ZNF496: variants seen among roughly 807,000 people sequenced by gnomAD.
The protein encoded by ZNF496 is zinc finger protein 496.
Under a neutral mutation model 58.9 loss-of-function variants are expected in ZNF496, and 11 were observed. That is an observed-to-expected ratio of 0.19 (90% confidence interval 0.12 to 0.31). The LOEUF is 0.31. Among genes scored for constraint, ZNF496 ranks in the 10% least tolerant of loss-of-function variants. The pLI is 1.00. For synonymous variants in ZNF496, 338 were observed against 318.2 expected, an observed-to-expected ratio of 1.06 and a Z score of -0.66; for missense variants, 660 against 783.0, an observed-to-expected ratio of 0.84 and a Z score of 1.88.
intron 2 of ZNF496, among the ~76,000 whole-genome samples, chr1:247,331,164 A>ACGGC (rs1367354934): frequency 2.0e-5 from 3 of 152,032 alleles, no homozygotes; most frequent in Non-Finnish European, 4.4e-5. Flanking sequence ...CTCCAACCAG[A>ACGGC]CGGCCGCGTC....
In ZNF496 at chr1:247,328,729, G is replaced by A. The variant is rs1338277205; in HGVS notation, c.528C>T (p.Cys176=). Residue 176 remains cysteine, a synonymous_variant, in exon 5 of 10, where the codon TGC becomes TGT. Coordinates refer to ENST00000682384, the MANE Select transcript of ZNF496 (RefSeq NM_032752.3). ...TTGGTGGTCTGCTTGGGAGCCCCAG[G>A]CACTGTGCCAGGGTTATGGGCTGGG... ...QDAQPITLAQ[C]LGLPSRPPSQ... 2 of 1,611,090 alleles carry A rather than the reference G, an allele frequency of 1.2e-6. No homozygotes were observed. The highest frequency in any genetic ancestry group is 1.3e-5 in the African/African-American group (1 of 74,916).
rs1286132034 is a variant in ZNF496, at chr1:247,328,810, C to T, written c.447G>A (p.Gln149=). 2 of 1,613,348 alleles carry T rather than the reference C, an allele frequency of 1.2e-6. No individual in the cohort carries two copies. The highest frequency in any genetic ancestry group is 3.3e-5 in the Admixed American group (2 of 59,904). The change falls in exon 5 of 10, where the codon CAG becomes CAA. Residue 149 remains glutamine (Q), a synonymous_variant. Transcript: ENST00000682384. ...GCTCTACCGGCAGCTGCTCCTGCTCCTGGTCCAGAGGGCTGTCCCCATCAT... is the reference window on the plus strand; with the variant it reads ...GCTCTACCGGCAGCTGCTCCTGCTCTTGGTCCAGAGGGCTGTCCCCATCAT... ...VIDDGDSPLD[Q]EQEQLPVEPH... is the part of the protein sequence containing the mutation.
At chr1:247,321,367 G>C (rs1313883675) in intron 6 of ZNF496, among the ~76,000 whole-genome samples, 1 of 152,146 alleles carries the variant, frequency 6.6e-6, no homozygotes, top group South Asian at 2.1e-4. Context: ...CTAAGGGAAA[G>C]GGTAAATGAG....
rs1181470408 is a variant in ZNF496, at chr1:247,308,429, C to T, written c.1006+46G>A. 6 of 1,558,526 alleles carry T rather than the reference C, an allele frequency of 3.8e-6. No homozygotes were observed. Among genetic ancestry groups the T allele is most frequent in the Admixed American group, 3.4e-5 (2 of 59,690 alleles). On this transcript the variant is annotated intron_variant, in intron 9 of 9. Coordinates refer to ENST00000682384, the MANE Select transcript of ZNF496 (RefSeq NM_032752.3). This position sits in a 1 kb window ranked among gnomAD's most constrained non-coding sequence, Gnocchi z 4.5. ...GCATACATACATTCATGCGACACAC[C>T]ACAGACACACAGGGACAAACCCATA...
chr1:247,307,336 A>G lies in ZNF496; in HGVS notation c.1006+1139T>C, dbSNP rs902924070. The G allele has an allele frequency of 1.6e-5, 16 of 985,318 alleles. No homozygotes were observed. In the African/African-American group the frequency reaches 2.6e-4, roughly 16 times the overall value. The allele number at this position is 985,318 out of a possible 1,614,324, so 61.0% of individuals were successfully genotyped here. A position where few individuals can be genotyped will look rare whatever the true frequency, so the allele number is the denominator to read the frequency against. On this transcript the variant is annotated intron_variant, in intron 9 of 9. Coordinates refer to ENST00000682384, the MANE Select transcript of ZNF496 (RefSeq NM_032752.3). ...CCTTGGCTTCTGGCTGTTTCAGAGC[A>G]GTCTGTGTCAGAGTCCAGCAAGGGA... is the stretch of plus-strand genomic sequence containing the variant.
Position 247,299,727 on chromosome 1 carries a change from G to A in ZNF496, c.*792C>T, listed in dbSNP as rs554609684. The A allele has an allele frequency of 6.6e-6, 1 of 152,346 alleles. No individual in the cohort carries two copies. Among genetic ancestry groups the A allele is most frequent in the East Asian group, 1.9e-4 (1 of 5,174 alleles). The allele number at this position is 152,346 out of a possible 1,614,324, so 9.4% of individuals were successfully genotyped here. A position where few individuals can be genotyped will look rare whatever the true frequency, so the allele number is the denominator to read the frequency against. On this transcript the variant is annotated 3_prime_UTR_variant, in exon 10 of 10. Transcript: ENST00000682384. ...CACAAGCATTTACCAAGGATCTTTG[G>A]GGTATAAAGACATTATGGGGTAGGT...
At chr1:247,311,430 G>GACACACAC (rs71820609) in intron 6 of ZNF496, 40,027 of 139,136 alleles carry the variant, frequency 0.29, 6,423 homozygotes, top group Middle Eastern at 0.42. Flanking sequence ...CACACACAGA[G>GACACACAC]ACACACACAC....
chr1:247,301,467 G>C (rs1226374292), intron 9 of ZNF496, among the ~76,000 whole-genome samples, 191 bp from the exon 10 acceptor site: 2 of 152,140 alleles, frequency 1.3e-5, no homozygotes, highest in Non-Finnish European at 2.9e-5. Context: ...TCTTCAGCAT[G>C]GGCCCCGCTG....
chr1:247,323,119 G>A lies in ZNF496; in HGVS notation c.651+35C>T, dbSNP rs6692645. ...GCCCTGTAGCCTACAGAGGCAAACA[G>A]GGGATTTTCAAGGACTCCTGTAGAA... On this transcript the variant is annotated intron_variant, in intron 6 of 9. Coordinates refer to ENST00000682384, the MANE Select transcript of ZNF496 (RefSeq NM_032752.3). 4 of 1,579,198 alleles carry A rather than the reference G, an allele frequency of 2.5e-6. 1 individual carries two copies. In the South Asian group the frequency reaches 4.4e-5, roughly 18 times the overall value.
In ZNF496 at chr1:247,308,344, A is replaced by T; in HGVS notation, c.1006+131T>A. ...CACTCACACATGCAGCACACCACAT[A>T]TACCACATGTGTATGCACGCACACA... On this transcript the variant is annotated intron_variant, in intron 9 of 9. Coordinates refer to ENST00000682384, the MANE Select transcript of ZNF496 (RefSeq NM_032752.3). The surrounding 1 kb of genome is among the most constrained non-coding windows in gnomAD (Gnocchi z 4.5). 1.2e-6 allele frequency: 1 copy of T among 822,866 alleles called. No individual in the cohort carries two copies. Among genetic ancestry groups the T allele is most frequent in the South Asian group, 1.6e-5 (1 of 63,574 alleles). The allele number at this position is 822,866 out of a possible 1,614,324, so 51.0% of individuals were successfully genotyped here.
rs1659231425 is a variant in ZNF496, at chr1:247,301,364, G to GT, written c.1007-89dup. On this transcript the variant is annotated intron_variant, in intron 9 of 9. Coordinates refer to ENST00000682384, the MANE Select transcript of ZNF496 (RefSeq NM_032752.3). ...GCGGCGGAGGAACACTCAGCTTGGA[G>GT]TTTACAAACCCGTGTTTTTACAATG... The GT allele has an allele frequency of 2.7e-6, 4 of 1,456,274 alleles. No individual in the cohort carries two copies. In the Admixed American group the frequency reaches 9.3e-5, roughly 34 times the overall value. The allele number at this position is 1,456,274 out of a possible 1,614,324, so 90.2% of individuals were successfully genotyped here.
chr1:247,309,913 A>G lies in ZNF496; in HGVS notation c.785-107T>C. 7.1e-7 allele frequency: 1 copy of G among 1,409,158 alleles called. No individual in the cohort carries two copies. The highest frequency in any genetic ancestry group is 9.6e-7 in the Non-Finnish European group (1 of 1,038,120). The allele number at this position is 1,409,158 out of a possible 1,614,324, so 87.3% of individuals were successfully genotyped here. On this transcript the variant is annotated intron_variant, in intron 7 of 9. Coordinates refer to ENST00000682384, the MANE Select transcript of ZNF496 (RefSeq NM_032752.3). This position sits in a 1 kb window ranked among gnomAD's most constrained non-coding sequence, Gnocchi z 4.3. ...CGGAGGGATGCCCAGCGGGCATGGC[A>G]CCATCAGGGGCGAGAAGTGAAAAGG... is the stretch of plus-strand genomic sequence containing the variant.
chr1:247,330,651 G>C (rs925598935), intron 2 of ZNF496, among the ~76,000 whole-genome samples: 1 of 152,224 alleles, frequency 6.6e-6, no homozygotes, highest in African/African-American at 2.4e-5. Flanking sequence ...CGCTGGGCCC[G>C]TGAAAGGGCA....
chr1:247,311,287 C>T (rs1323053857), intron 6 of ZNF496: 1 of 152,172 alleles, frequency 6.6e-6, no homozygotes, highest in African/African-American at 2.4e-5. Flanking sequence ...ATAATCCCAG[C>T]TACTTGGGAG....
Position 247,309,657 on chromosome 1 carries a change from T to G in ZNF496, c.892+42A>C. ...GCTCACCTCCGGCTGCCAGCAACCCTTCCCCCTACTCTGTCCACTCAGTTC... is the reference window on the plus strand; with the variant it reads ...GCTCACCTCCGGCTGCCAGCAACCCGTCCCCCTACTCTGTCCACTCAGTTC... On this transcript the variant is annotated intron_variant, in intron 8 of 9. Transcript: ENST00000682384. The surrounding 1 kb of genome is among the most constrained non-coding windows in gnomAD (Gnocchi z 4.3). 3 of 1,609,676 alleles carry G rather than the reference T, an allele frequency of 1.9e-6. No homozygotes were observed. The highest frequency in any genetic ancestry group is 2.5e-6 in the Non-Finnish European group (3 of 1,177,636).
At chr1:247,316,937 G>A (rs953357155) in intron 6 of ZNF496, among the ~76,000 whole-genome samples, 1 of 152,172 alleles carries the variant, frequency 6.6e-6, no homozygotes, top group Non-Finnish European at 1.5e-5. Flanking sequence ...AAATAAATTG[G>A]CAGAGAAAAG....
chr1:247,330,392 C>T (rs1169010086), intron 2 of ZNF496, among the ~76,000 whole-genome samples: 1 of 152,194 alleles, frequency 6.6e-6, no homozygotes, highest in East Asian at 1.9e-4. Context: ...CTCTTCAAAC[C>T]ACATTGAAGG....
chr1:247,317,635 G>A (rs150551978), intron 6 of ZNF496, among the ~76,000 whole-genome samples: 2 of 152,174 alleles, frequency 1.3e-5, no homozygotes, highest in African/African-American at 2.4e-5. Context: ...TCGGGTGTAT[G>A]AGGAGCATCC....
intron 5 of ZNF496, among the ~76,000 whole-genome samples, chr1:247,324,301 C>T (rs1660053473): frequency 6.6e-6 from 1 of 152,046 alleles, no homozygotes; most frequent in Admixed American, 6.6e-5. Context: ...ATGCTGGTTA[C>T]CAGAGGCTAG....
Sources: gnomAD v4.1 joint callset for allele counts (sites outside exome capture counted in the v4.1 genomes callset) on GRCh38, gnomAD v4.1.1 for gene constraint, Gnocchi (gnomAD v3.1) non-coding constraint, MANE v1.5 for transcripts, NCBI Gene and HGNC (gene_info 2026-07-23, HGNC 2026-07-21) for gene names.